The following DRC9 variants were observed in gnomAD, a reference collection of about 807,000 sequenced individuals.
DRC9 encodes dynein regulatory complex protein 9.
At chr3:197,897,349 A>G in the DRC9 span, among the ~76,000 whole-genome samples, 1 of 152,208 alleles carries the variant, frequency 6.6e-6, no homozygotes, top group African/African-American at 2.4e-5. Context: ...GACAAGGGAT[A>G]TTTTATACTA....
the DRC9 span, chr3:197,957,353 C>G: frequency 6.6e-6 from 1 of 152,476 alleles, no homozygotes; most frequent in Non-Finnish European, 1.5e-5. Context: ...TTTGGTCAGT[C>G]CAATGGTGGT....
the DRC9 span, among the ~76,000 whole-genome samples, chr3:197,952,375 G>A: frequency 2.6e-5 from 4 of 151,782 alleles, no homozygotes; most frequent in Non-Finnish European, 5.9e-5. Flanking sequence ...TCACCATTTT[G>A]GCCAGGCTGG....
the DRC9 span, among the ~76,000 whole-genome samples, chr3:197,911,472 A>T: frequency 1.3e-5 from 2 of 151,758 alleles, no homozygotes; most frequent in Non-Finnish European, 2.9e-5. Flanking sequence ...CCTAAATATA[A>T]AAAAAAAGTG....
At chr3:197,951,243 T>A in the DRC9 span, 2 of 1,614,184 alleles carry the variant, frequency 1.2e-6, no homozygotes, top group Middle Eastern at 1.7e-4. Context: ...AAATTGAAGG[T>A]GTTTACGCCC....
At chr3:197,955,621 A>G in the DRC9 span, 10 of 840,204 alleles carry the variant, frequency 1.2e-5, 1 homozygote, top group East Asian at 1.5e-4. Flanking sequence ...ACTGAAGGCT[A>G]TAAAAACTTT....
chr3:197,957,381 C>T, the DRC9 span: 1 of 152,116 alleles, frequency 6.6e-6, no homozygotes, highest in African/African-American at 2.4e-5. Context: ...CCAAAGCTGC[C>T]ATTGTTGGAG....
chr3:197,939,949 T>G, the DRC9 span, among the ~76,000 whole-genome samples: 3 of 152,150 alleles, frequency 2.0e-5, no homozygotes, highest in African/African-American at 7.2e-5. Flanking sequence ...ATGTGAATTT[T>G]TAGAATAGAA....
the DRC9 span, chr3:197,954,120 T>C: frequency 1.9e-5 from 30 of 1,614,208 alleles, no homozygotes; most frequent in East Asian, 6.2e-4. Context: ...ATCTTCCTGC[T>C]AAGGCCATTG....
the DRC9 span, among the ~76,000 whole-genome samples, chr3:197,926,657 C>T: frequency 6.6e-6 from 1 of 152,214 alleles, no homozygotes; most frequent in Non-Finnish European, 1.5e-5. Context: ...GTTCTGAGGC[C>T]ACACTGCCCA....
the DRC9 span, among the ~76,000 whole-genome samples, chr3:197,910,805 C>A: frequency 6.6e-6 from 1 of 151,940 alleles, no homozygotes; most frequent in African/African-American, 2.4e-5. Context: ...CACAGTGAAA[C>A]CCCATCTCTA....
At chr3:197,912,389 TAA>T in the DRC9 span, 1 of 258,028 alleles carries the variant, frequency 3.9e-6, no homozygotes, top group Admixed American at 5.3e-5. Flanking sequence ...AGTCATAAAT[TAA>T]GTCATAATTT....
the DRC9 span, among the ~76,000 whole-genome samples, chr3:197,934,984 T>G: frequency 2.1e-3 from 325 of 151,558 alleles, no homozygotes; most frequent in African/African-American, 7.6e-3. Flanking sequence ...ATAATGATAA[T>G]AATAAAATAA....
chr3:197,904,848 G>C, the DRC9 span, among the ~76,000 whole-genome samples: 5 of 152,220 alleles, frequency 3.3e-5, no homozygotes, highest in East Asian at 9.6e-4. Context: ...TCTCAAAAAG[G>C]AGTAAATAAA....
At chr3:197,897,491 T>C in the DRC9 span, among the ~76,000 whole-genome samples, 1 of 152,172 alleles carries the variant, frequency 6.6e-6, no homozygotes, top group Non-Finnish European at 1.5e-5. Context: ...TATTTTAGAA[T>C]ATATATAAAG....
chr3:197,940,941 G>T, the DRC9 span, among the ~76,000 whole-genome samples: 1 of 152,018 alleles, frequency 6.6e-6, no homozygotes, highest in African/African-American at 2.4e-5. Flanking sequence ...TGATAAACCA[G>T]AAAAAAACAG....
the DRC9 span, among the ~76,000 whole-genome samples, chr3:197,925,587 G>GT: frequency 0.021 from 2,651 of 127,518 alleles, 41 homozygotes; most frequent in Non-Finnish European, 0.032. Context: ...TATATCTTCT[G>GT]TTTTTTTTTT....
the DRC9 span, among the ~76,000 whole-genome samples, chr3:197,905,610 T>C: frequency 6.6e-6 from 1 of 151,852 alleles, no homozygotes; most frequent in Non-Finnish European, 1.5e-5. Flanking sequence ...TACCCAGGCA[T>C]GGTGGCAGGC....
the DRC9 span, among the ~76,000 whole-genome samples, chr3:197,941,374 C>T: frequency 3.8e-4 from 27 of 70,686 alleles, 2 homozygotes; most frequent in African/African-American, 1.3e-3. Context: ...TTCCTTCCTC[C>T]CTCTCTCCCC....
At chr3:197,923,089 G>A in the DRC9 span, among the ~76,000 whole-genome samples, 4 of 152,224 alleles carry the variant, frequency 2.6e-5, no homozygotes, top group East Asian at 5.8e-4. Context: ...CAATTTGCTT[G>A]GAAGACTTAC....
Sources: allele counts gnomAD v4.1 joint callset (sites outside exome capture counted in the v4.1 genomes callset), GRCh38; gene constraint gnomAD v4.1.1; transcripts MANE v1.5; gene names NCBI Gene and HGNC (gene_info 2026-07-23, HGNC 2026-07-21).